Variants in RAB31 observed in about 807,000 individuals in gnomAD.
RAB31 encodes RAB31, member RAS oncogene family.
In RAB31, 21 loss-of-function variants were observed where a neutral mutation model predicts 25.6. The observed-to-expected ratio is 0.82, with a 90% CI of 0.58 to 1.18. RAB31 has a LOEUF of 1.18. Ranked by LOEUF, RAB31 falls within the 50% of genes most tolerant of loss-of-function variation. RAB31 has a pLI of 0.00. For missense variants in RAB31, 196 were observed against 250.1 expected, an observed-to-expected ratio of 0.78 and a Z score of 1.46; for synonymous variants, 87 against 84.0, an observed-to-expected ratio of 1.04 and a Z score of -0.20.
intron 3 of RAB31, among the ~76,000 whole-genome samples, chr18:9,809,939 G>A (rs1418610188): frequency 6.6e-6 from 1 of 152,190 alleles, no homozygotes; most frequent in African/African-American, 2.4e-5. Context: ...ATCTGCGAAA[G>A]CTGAGCAGCC....
intron 2 of RAB31, among the ~76,000 whole-genome samples, chr18:9,786,264 T>C (rs1186420491): frequency 3.3e-5 from 5 of 152,260 alleles, no homozygotes; most frequent in Non-Finnish European, 7.3e-5. Flanking sequence ...CTGAGTTTCC[T>C]GGAAAGTGGC....
chr18:9,847,826 G>A lies in RAB31; in HGVS notation c.490+2135G>A, dbSNP rs77528564. Among the ~76,000 whole-genome samples, 1,064 of 152,146 alleles carry A rather than the reference G, an allele frequency of 7.0e-3. 7 individuals are homozygous for A. The highest frequency in any genetic ancestry group is 0.011 in the Admixed American group (166 of 15,284). On this transcript the variant is annotated intron_variant, in intron 6 of 6. Transcript: ENST00000578921. ...TGAGCTCAAGCAATCTTCCCCCATC[G>A]GCCTCCCAAAGTGCCAGGATTACAG... is the stretch of plus-strand genomic sequence containing the variant.
chr18:9,720,500 CAGA>C (rs2068068645), intron 1 of RAB31, among the ~76,000 whole-genome samples: 1 of 151,878 alleles, frequency 6.6e-6, no homozygotes, highest in Non-Finnish European at 1.5e-5. Flanking sequence ...GCTAATGAAC[CAGA>C]AGAAGGGCTG....
chr18:9,718,840 G>C (rs567513300), intron 1 of RAB31, among the ~76,000 whole-genome samples: 2 of 150,958 alleles, frequency 1.3e-5, no homozygotes, highest in African/African-American at 5.0e-5. Context: ...CCATTCATGA[G>C]AGCTCTAGCC....
intron 3 of RAB31, among the ~76,000 whole-genome samples, chr18:9,797,162 A>G (rs2068490446): frequency 6.6e-6 from 1 of 152,200 alleles, no homozygotes; most frequent in Non-Finnish European, 1.5e-5. Flanking sequence ...AAAAATGTCT[A>G]CTTAGAGACC....
At chr18:9,797,355 T>C (rs1568181493) in intron 3 of RAB31, 1 of 152,214 alleles carries the variant, frequency 6.6e-6, no homozygotes, top group Non-Finnish European at 1.5e-5. Flanking sequence ...GCTGGCTTAA[T>C]GTCAGCGATG....
At chr18:9,819,108 A>C (rs2068613263) in intron 5 of RAB31, among the ~76,000 whole-genome samples, 1 of 152,154 alleles carries the variant, frequency 6.6e-6, no homozygotes, top group African/African-American at 2.4e-5. Context: ...TGTGTGCAAA[A>C]GTTTATGTCC....
chr18:9,821,999 C>T (rs10468662), intron 5 of RAB31, among the ~76,000 whole-genome samples: 4,952 of 152,100 alleles, frequency 0.033, 278 homozygotes, highest in African/African-American at 0.11. Context: ...CACTGAATAG[C>T]TAAAACGATA....
chr18:9,732,722 G>T (rs2040916152), intron 1 of RAB31, among the ~76,000 whole-genome samples: 1 of 152,318 alleles, frequency 6.6e-6, no homozygotes, highest in Admixed American at 6.5e-5. Flanking sequence ...GCTGGTTGGC[G>T]CTGAACTTTG....
chr18:9,741,672 C>T (rs145396641), intron 1 of RAB31, among the ~76,000 whole-genome samples: 6 of 152,302 alleles, frequency 3.9e-5, no homozygotes, highest in Admixed American at 1.3e-4. Flanking sequence ...TGGCAGCCCT[C>T]GGCTGGATCT....
At chr18:9,716,722 T>G (rs2068046013) in intron 1 of RAB31, among the ~76,000 whole-genome samples, 3 of 152,112 alleles carry the variant, frequency 2.0e-5, no homozygotes, top group African/African-American at 7.2e-5. Flanking sequence ...TACCTAACTT[T>G]GTCAGCAGAA....
Position 9,708,473 on chromosome 18 carries a change from AC to A in RAB31, c.39+33del. Reference sequence around the variant, plus strand: ...AGTCCTGGCCGCCACCCGCCGGCGGACCCCGGCCCGCGCTCTCGCGCCCCTT... The same window carrying A: ...AGTCCTGGCCGCCACCCGCCGGCGGACCCGGCCCGCGCTCTCGCGCCCCTT... On this transcript the variant is annotated intron_variant, in intron 1 of 6. Transcript: ENST00000578921. This position sits in a 1 kb window ranked among gnomAD's most constrained non-coding sequence, Gnocchi z 6.4. 1.3e-6 allele frequency: 2 copies of A among 1,540,982 alleles called. No homozygotes were observed. The highest frequency in any genetic ancestry group is 1.7e-6 in the Non-Finnish European group (2 of 1,144,606).
intron 1 of RAB31, among the ~76,000 whole-genome samples, chr18:9,709,100 G>A (rs1388710086): frequency 1.3e-5 from 2 of 152,214 alleles, no homozygotes; most frequent in Non-Finnish European, 2.9e-5. Flanking sequence ...GGTGAAAGAA[G>A]CTGCCTGGGA....
chr18:9,719,356 G>T (rs2068063010), intron 1 of RAB31, among the ~76,000 whole-genome samples: 1 of 128,928 alleles, frequency 7.8e-6, no homozygotes. Context: ...CTAATTATGA[G>T]GGAGGGGAAA....
At chr18:9,845,559 T>C in intron 5 of RAB31, 23 bp from the exon 6 acceptor site, 1 of 1,512,914 alleles carries the variant, frequency 6.6e-7, no homozygotes. Flanking sequence ...TCATTTCCTG[T>C]CTACATTTGA....
At chr18:9,836,526 A>G (rs1213965795) in intron 5 of RAB31, among the ~76,000 whole-genome samples, 1 of 152,228 alleles carries the variant, frequency 6.6e-6, no homozygotes, top group Non-Finnish European at 1.5e-5. Flanking sequence ...GAGTGAAAAA[A>G]TATCAGACTT....
At chr18:9,732,515 G>A (rs1198687047) in intron 1 of RAB31, among the ~76,000 whole-genome samples, 1 of 152,208 alleles carries the variant, frequency 6.6e-6, no homozygotes, top group African/African-American at 2.4e-5. Flanking sequence ...TTAGGTGTGG[G>A]CATGCAGTGA....
At chr18:9,803,236 C>CT in intron 3 of RAB31, among the ~76,000 whole-genome samples, 2 of 139,616 alleles carry the variant, frequency 1.4e-5, no homozygotes, top group African/African-American at 2.9e-5. Flanking sequence ...TCTCTTTTTC[C>CT]TTTCTTTTTT....
intron 2 of RAB31, among the ~76,000 whole-genome samples, chr18:9,775,636 C>T (rs149011433): frequency 8.5e-5 from 13 of 152,098 alleles, no homozygotes; most frequent in African/African-American, 2.9e-4. Context: ...CAAATCTTGG[C>T]GTTATTTCCA....
Sources: gnomAD v4.1 joint callset for allele counts (sites outside exome capture counted in the v4.1 genomes callset) on GRCh38, gnomAD v4.1.1 for gene constraint, Gnocchi (gnomAD v3.1) non-coding constraint, MANE v1.5 for transcripts, NCBI Gene and HGNC (gene_info 2026-07-23, HGNC 2026-07-21) for gene names.